The following TLK1 variants were observed in gnomAD, a reference collection of about 807,000 sequenced individuals.
The protein encoded by TLK1 is tousled like kinase 1, also known as serine/threonine-protein kinase tousled-like 1.
In TLK1, 24 loss-of-function variants were observed where a neutral mutation model predicts 105.3. The ratio of observed to expected loss-of-function variants is 0.23; its 90% CI spans 0.17 to 0.32. TLK1 has a LOEUF of 0.32. Ranked by LOEUF, TLK1 falls within the 10% of genes least tolerant of loss-of-function variation. The probability of loss-of-function intolerance (pLI) is 1.00; values close to 1 mark genes in which losing one functional copy is unlikely to be tolerated. For missense variants in TLK1, 558 were observed against 910.5 expected, an observed-to-expected ratio of 0.61 and a Z score of 4.98; for synonymous variants, 321 against 310.4, an observed-to-expected ratio of 1.03 and a Z score of -0.36.
intron 1 of TLK1, among the ~76,000 whole-genome samples, chr2:171,129,843 A>G (rs1221799919): frequency 6.7e-6 from 1 of 149,428 alleles, no homozygotes; most frequent in Admixed American, 6.6e-5. Flanking sequence ...AACATAACAT[A>G]ACATAACATA....
intron 1 of TLK1, among the ~76,000 whole-genome samples, chr2:171,129,854 ACAT>A (rs1691025797): frequency 6.6e-6 from 1 of 151,832 alleles, no homozygotes; most frequent in Non-Finnish European, 1.5e-5. Flanking sequence ...ACATAACATA[ACAT>A]AACATAACAT....
intron 3 of TLK1, among the ~76,000 whole-genome samples, chr2:171,076,703 T>C (rs1312645413): frequency 1.4e-5 from 2 of 141,224 alleles, no homozygotes; most frequent in African/African-American, 2.6e-5. Context: ...ATCAAGAGCA[T>C]CCTGACTAAC....
At chr2:171,167,841 A>G (rs1350098245) in intron 1 of TLK1, among the ~76,000 whole-genome samples, 2 of 152,202 alleles carry the variant, frequency 1.3e-5, no homozygotes, top group Non-Finnish European at 2.9e-5. Context: ...AGGACATGGT[A>G]TTATGAAATG....
intron 2 of TLK1, among the ~76,000 whole-genome samples, chr2:171,098,898 CCT>C (rs1408879450): frequency 1.3e-5 from 2 of 152,038 alleles, no homozygotes; most frequent in East Asian, 3.8e-4. Context: ...AACCCAACAC[CCT>C]GTTTCTGATT....
chr2:171,130,558 T>C (rs1490850928), intron 1 of TLK1, among the ~76,000 whole-genome samples: 1 of 151,986 alleles, frequency 6.6e-6, no homozygotes, highest in East Asian at 1.9e-4. Flanking sequence ...ACTTACTAAG[T>C]CCCAGAAAAA....
At chr2:171,175,668 T>G (rs1033948727) in intron 1 of TLK1, among the ~76,000 whole-genome samples, 1 of 152,156 alleles carries the variant, frequency 6.6e-6, no homozygotes, top group Non-Finnish European at 1.5e-5. Flanking sequence ...CAGTTACCTC[T>G]CAGTCTTTAT....
intron 11 of TLK1, among the ~76,000 whole-genome samples, chr2:171,036,857 C>T (rs1229456241): frequency 6.6e-6 from 1 of 152,086 alleles, no homozygotes; most frequent in Non-Finnish European, 1.5e-5. Context: ...GGTGAATGTA[C>T]TCTGCATGTG....
chr2:170,996,835 G>T, intron 19 of TLK1, 75 bp from the exon 20 acceptor site: 2 of 1,293,858 alleles, frequency 1.5e-6, no homozygotes, highest in Non-Finnish European at 2.1e-6. Flanking sequence ...CTGTTTAAGC[G>T]AATTCCCAAA....
At chr2:171,195,925 T>A (rs974630343) in intron 1 of TLK1, among the ~76,000 whole-genome samples, 9 of 150,876 alleles carry the variant, frequency 6.0e-5, no homozygotes, top group Admixed American at 4.7e-4. Context: ...CTTGGGAGGC[T>A]GGGACTCACC....
intron 2 of TLK1, among the ~76,000 whole-genome samples, chr2:171,085,297 G>A (rs919110901): frequency 1.3e-5 from 2 of 151,944 alleles, no homozygotes; most frequent in Non-Finnish European, 2.9e-5. Context: ...GGCTGAGGCA[G>A]GAGAATCACT....
At chr2:171,015,454 AC>A (rs1685133695) in intron 12 of TLK1, among the ~76,000 whole-genome samples, 2 of 142,328 alleles carry the variant, frequency 1.4e-5, no homozygotes, top group Non-Finnish European at 1.6e-5. Context: ...ACACACACAC[AC>A]ACACACAAAC....
chr2:171,125,126 C>T (rs1690814966), intron 1 of TLK1, among the ~76,000 whole-genome samples: 1 of 152,206 alleles, frequency 6.6e-6, no homozygotes, highest in Non-Finnish European at 1.5e-5. Context: ...CAGTAAATGG[C>T]TTTCCTTGCT....
chr2:171,040,412 C>T (rs1204914137), intron 11 of TLK1, among the ~76,000 whole-genome samples: 3 of 152,206 alleles, frequency 2.0e-5, no homozygotes, highest in Admixed American at 2.0e-4. Flanking sequence ...AGAATGTATC[C>T]GTGTGGGGAC....
At chr2:171,086,668 G>A (rs941577235) in intron 2 of TLK1, among the ~76,000 whole-genome samples, 1 of 151,678 alleles carries the variant, frequency 6.6e-6, no homozygotes, top group African/African-American at 2.4e-5. Flanking sequence ...AAAAAGAAGA[G>A]GAGAAGAAGG....
intron 11 of TLK1, among the ~76,000 whole-genome samples, chr2:171,040,787 G>A (rs890726818): frequency 1.3e-5 from 2 of 151,794 alleles, no homozygotes; most frequent in Non-Finnish European, 1.5e-5. Context: ...ATGTTGCCCA[G>A]GCTGGTCTCA....
intron 2 of TLK1, among the ~76,000 whole-genome samples, chr2:171,084,509 T>C (rs1316668835): frequency 6.6e-6 from 1 of 152,200 alleles, no homozygotes. Context: ...TTTTGAAGCG[T>C]GCCTAAAAAC....
chr2:171,226,827 AC>A (rs141369563), intron 1 of TLK1, among the ~76,000 whole-genome samples: 2,937 of 152,152 alleles, frequency 0.019, 97 homozygotes, highest in African/African-American at 0.066. Flanking sequence ...GAATGAAACT[AC>A]TCTTATGTAA....
intron 1 of TLK1, among the ~76,000 whole-genome samples, chr2:171,142,188 G>C (rs1238814990): frequency 6.6e-6 from 1 of 151,708 alleles, no homozygotes; most frequent in African/African-American, 2.4e-5. Context: ...TGGGGGGTGG[G>C]GGGTATTTGG....
intron 1 of TLK1, among the ~76,000 whole-genome samples, chr2:171,189,221 CA>C (rs1307061114): frequency 6.8e-6 from 1 of 146,232 alleles, no homozygotes; most frequent in Non-Finnish European, 1.5e-5. Context: ...GACTAGAGTG[CA>C]ATGGCACAAT....
Sources: allele counts gnomAD v4.1 joint callset (sites outside exome capture counted in the v4.1 genomes callset), GRCh38; gene constraint gnomAD v4.1.1; transcripts MANE v1.5; gene names NCBI Gene and HGNC (gene_info 2026-07-23, HGNC 2026-07-21).